Variants in UTS2 observed in about 807,000 individuals in gnomAD.
UTS2 encodes the protein urotensin-2.
In UTS2, 10 loss-of-function variants were observed where a neutral mutation model predicts 12.6. The ratio of observed to expected loss-of-function variants is 0.80; its 90% CI spans 0.49 to 1.35. The LOEUF (loss-of-function observed/expected upper bound fraction) is 1.35. Among genes scored for constraint, UTS2 ranks in the 40% most tolerant of loss-of-function variants. The pLI is 0.00. For synonymous variants in UTS2, 52 were observed against 50.0 expected, an observed-to-expected ratio of 1.04 and a Z score of -0.17; for missense variants, 142 against 143.2, an observed-to-expected ratio of 0.99 and a Z score of 0.04.
At chr1:7,898,602 A>C in the UTS2 span, among the ~76,000 whole-genome samples, 6 of 151,986 alleles carry the variant, frequency 3.9e-5, no homozygotes, top group African/African-American at 1.4e-4. Flanking sequence ...CAGCCTCCCG[A>C]GTAGCTGAGA....
the UTS2 span, among the ~76,000 whole-genome samples, chr1:7,865,962 A>G: frequency 2.0e-5 from 3 of 152,138 alleles, no homozygotes; most frequent in Non-Finnish European, 4.4e-5. Context: ...AACTAATACA[A>G]TTCCATTCTA....
At chr1:7,873,829 C>T in the UTS2 span, among the ~76,000 whole-genome samples, 1 of 152,142 alleles carries the variant, frequency 6.6e-6, no homozygotes, top group African/African-American at 2.4e-5. Flanking sequence ...GAAAGTTCTG[C>T]TGTGAGTAAA....
intron 3 of UTS2, 23 bp from the exon 4 acceptor site, chr1:7,847,905 C>CA (rs757617479): frequency 2.0e-6 from 3 of 1,506,594 alleles, no homozygotes; most frequent in African/African-American, 1.4e-5. Flanking sequence ...AAACGAACAA[C>CA]AACAACAAAA....
At chr1:7,895,006 G>T in the UTS2 span, among the ~76,000 whole-genome samples, 1 of 152,066 alleles carries the variant, frequency 6.6e-6, no homozygotes, top group African/African-American at 2.4e-5. Flanking sequence ...TATCTGTCCA[G>T]ATGTTTAATT....
At chr1:7,905,053 G>C in the UTS2 span, among the ~76,000 whole-genome samples, 1 of 151,898 alleles carries the variant, frequency 6.6e-6, no homozygotes. Flanking sequence ...CTGTCACCTT[G>C]GCTAGGCTAT....
chr1:7,853,625 C>T (rs1578028676), upstream of UTS2: 2 of 584,722 alleles, frequency 3.4e-6, no homozygotes, highest in Non-Finnish European at 5.7e-6. Context: ...CATGTGAAGC[C>T]GCAAGCACTT....
upstream of UTS2, among the ~76,000 whole-genome samples, chr1:7,857,852 GA>G (rs3034103): frequency 0.65 from 76,633 of 118,380 alleles, 24,706 homozygotes; most frequent in East Asian, 0.8. Context: ...CCAGTCTCCA[GA>G]AAAAAAAAAA....
the UTS2 span, among the ~76,000 whole-genome samples, chr1:7,869,266 C>T: frequency 6.6e-6 from 1 of 152,200 alleles, no homozygotes; most frequent in Non-Finnish European, 1.5e-5. Context: ...GACATCCCCT[C>T]AAATGACCTT....
At chr1:7,859,175 A>G in the UTS2 span, among the ~76,000 whole-genome samples, 1 of 152,210 alleles carries the variant, frequency 6.6e-6, no homozygotes, top group Admixed American at 6.5e-5. Flanking sequence ...TGCAGACATC[A>G]TCGGGGTCCA....
chr1:7,909,734 T>C, the UTS2 span, among the ~76,000 whole-genome samples: 4 of 151,730 alleles, frequency 2.6e-5, no homozygotes, highest in South Asian at 2.1e-4. Context: ...AATTCTTCTG[T>C]CTCAGCCTCC....
At chr1:7,910,626 T>A in the UTS2 span, among the ~76,000 whole-genome samples, 1 of 152,232 alleles carries the variant, frequency 6.6e-6, no homozygotes, top group African/African-American at 2.4e-5. Context: ...GTATGCCTTT[T>A]CTCCTATTAA....
chr1:7,888,251 A>C, the UTS2 span, among the ~76,000 whole-genome samples: 1 of 152,132 alleles, frequency 6.6e-6, no homozygotes. Flanking sequence ...CCAGCCACAC[A>C]TTCATTTTCA....
chr1:7,893,251 G>C, the UTS2 span, among the ~76,000 whole-genome samples: 1 of 152,234 alleles, frequency 6.6e-6, no homozygotes, highest in Non-Finnish European at 1.5e-5. Context: ...AGTGGCTCAC[G>C]CCTGTAATAC....
chr1:7,851,636 C>T (rs1451740316), intron 1 of UTS2, among the ~76,000 whole-genome samples: 1 of 152,156 alleles, frequency 6.6e-6, no homozygotes, highest in African/African-American at 2.4e-5. Context: ...CAGCGTGCCA[C>T]AGGCTTACAA....
the UTS2 span, among the ~76,000 whole-genome samples, chr1:7,888,326 C>T: frequency 6.6e-6 from 1 of 152,084 alleles, no homozygotes. Context: ...TTCTTCCTTC[C>T]TCCTCCCCAT....
At chr1:7,895,459 C>G in the UTS2 span, among the ~76,000 whole-genome samples, 1 of 152,092 alleles carries the variant, frequency 6.6e-6, no homozygotes, top group Non-Finnish European at 1.5e-5. Context: ...CCCTTTAACT[C>G]TTAGGGAACA....
At chr1:7,896,259 G>GA in the UTS2 span, among the ~76,000 whole-genome samples, 195 of 139,132 alleles carry the variant, frequency 1.4e-3, 1 homozygote, top group South Asian at 5.9e-3. Flanking sequence ...GTTTATCCAT[G>GA]AAAAAAAAAA....
the UTS2 span, among the ~76,000 whole-genome samples, chr1:7,890,403 C>G: frequency 2.6e-5 from 4 of 152,044 alleles, no homozygotes; most frequent in Admixed American, 6.6e-5. Context: ...CAAATACCAG[C>G]CCAGGTGGCT....
At chr1:7,875,656 C>A in the UTS2 span, among the ~76,000 whole-genome samples, 1 of 152,144 alleles carries the variant, frequency 6.6e-6, no homozygotes, top group African/African-American at 2.4e-5. Context: ...GGCCAAGGGA[C>A]TGACCCAGCC....
Sources: gnomAD v4.1 joint callset for allele counts (sites outside exome capture counted in the v4.1 genomes callset) on GRCh38, gnomAD v4.1.1 for gene constraint, MANE v1.5 for transcripts, NCBI Gene and HGNC (gene_info 2026-07-23, HGNC 2026-07-21) for gene names.